Variants in EML1 observed in about 807,000 individuals in gnomAD.
The protein encoded by EML1 is echinoderm microtubule-associated protein-like 1.
In EML1, 27 loss-of-function variants were observed where a neutral mutation model predicts 110.4. That is an observed-to-expected ratio of 0.24 (90% confidence interval 0.18 to 0.34). The LOEUF is 0.34. EML1 is among the 10% of genes least tolerant of loss of function. The pLI is 1.00. For synonymous variants in EML1, 344 were observed against 385.8 expected (o/e 0.89, Z 1.27); for missense variants, 741 against 1,030.9 (o/e 0.72, Z 3.85).
At chr14:99,915,874 G>A (rs2060025949) in intron 15 of EML1, among the ~76,000 whole-genome samples, 1 of 152,116 alleles carries the variant, frequency 6.6e-6, no homozygotes, top group Admixed American at 6.5e-5. Flanking sequence ...TAGAGTTACT[G>A]GCATGTCCCA....
At chr14:99,937,665 C>T in intron 19 of EML1, 152 bp from the exon 20 acceptor site, 2 of 623,570 alleles carry the variant, frequency 3.2e-6, no homozygotes, top group Non-Finnish European at 2.8e-6. Context: ...CACATCTGTG[C>T]ACACGTGGTT....
chr14:99,889,228 A>T (rs2059541357), intron 4 of EML1, among the ~76,000 whole-genome samples: 1 of 151,438 alleles, frequency 6.6e-6, no homozygotes, highest in South Asian at 2.1e-4. Context: ...CAAGCCCCAC[A>T]CCAGGTTCTT....
chr14:99,805,588 C>T (rs1464858023), intron 1 of EML1, among the ~76,000 whole-genome samples: 1 of 152,110 alleles, frequency 6.6e-6, no homozygotes, highest in African/African-American at 2.4e-5. Context: ...AGTCCTCTAG[C>T]ATCAGCCTCC....
At chr14:99,786,093 G>A (rs569233934) in intron 1 of EML1, among the ~76,000 whole-genome samples, 53 of 149,246 alleles carry the variant, frequency 3.6e-4, no homozygotes, top group African/African-American at 1.1e-3. Context: ...ATCAACACAC[G>A]CTTCAGTTGC....
rs73350487 is a variant in EML1, at chr14:99,745,930, G to T, written c.28+8070G>T. The stretch of plus-strand genomic sequence containing the variant: ...TAGAGCAGGGAATTCAGCCAGCCTT[G>T]GGTCTCCCCTTGTGGGATTTGCCTC... On this transcript the variant is annotated intron_variant, in intron 1 of 10. Coordinates refer to the EML1 transcript ENST00000554479. 7.1e-3 allele frequency among the ~76,000 whole-genome samples: 1,083 copies of T among 152,254 alleles called. 12 individuals are homozygous for T. Among genetic ancestry groups the T allele is most frequent in the African/African-American group, 0.025 (1,034 of 41,530 alleles).
At chr14:99,791,835 G>C (rs2057677669), upstream of EML1, among the ~76,000 whole-genome samples, 1 of 152,260 alleles carries the variant, frequency 6.6e-6, no homozygotes, top group African/African-American at 2.4e-5. Flanking sequence ...AGCTCTTGGG[G>C]CCTCTCTTAC....
chr14:99,743,041 C>T (rs1026110905), intron 1 of EML1, among the ~76,000 whole-genome samples: 5 of 152,142 alleles, frequency 3.3e-5, no homozygotes, highest in African/African-American at 1.2e-4. Flanking sequence ...AGGAGGAATC[C>T]GCAGTTGGGA....
chr14:99,746,511 G>A (rs909973367), intron 1 of EML1, among the ~76,000 whole-genome samples: 4 of 152,158 alleles, frequency 2.6e-5, no homozygotes, highest in African/African-American at 9.7e-5. Context: ...TGGGGTGGGG[G>A]CGGATGTGCA....
intron 20 of EML1, 52 bp downstream of exon 20, chr14:99,937,964 A>G: frequency 1.3e-6 from 2 of 1,558,290 alleles, no homozygotes; most frequent in Non-Finnish European, 1.8e-6. Context: ...TCTCCTTTTA[A>G]AATATTTCTT....
At chr14:99,902,988 G>T (rs1377132837) in intron 9 of EML1, among the ~76,000 whole-genome samples, 1 of 152,114 alleles carries the variant, frequency 6.6e-6, no homozygotes, top group African/African-American at 2.4e-5. Flanking sequence ...GTTGTGTCCT[G>T]TTACAAACAA....
At chr14:99,798,983 A>C (rs1482233442) in intron 1 of EML1, among the ~76,000 whole-genome samples, 1 of 152,136 alleles carries the variant, frequency 6.6e-6, no homozygotes, top group African/African-American at 2.4e-5. Flanking sequence ...ATTGCCTTAC[A>C]GGGTTGTGAT....
rs112810679 is a variant in EML1 at position 99,796,938 on chromosome 14, A to T, written c.67+3395A>T. On this transcript the variant is annotated intron_variant, in intron 1 of 21. Coordinates refer to ENST00000262233, the MANE Select transcript of EML1 (RefSeq NM_004434.3). ...GTGTGTGTGTGTGTGTGTGTGTGTG[A>T]GAGAGTAATAGCTTTATTGAAATAT... Among the ~76,000 whole-genome samples, 598 of 129,316 alleles carry T rather than the reference A, an allele frequency of 4.6e-3. 3 individuals are homozygous for T. The highest frequency in any genetic ancestry group is 0.023 in the South Asian group (86 of 3,768). 84.8% of individuals were successfully genotyped at this position (129,316 alleles called of 152,430 possible).
At position 99,760,083 on chromosome 14, in the gene EML1, C is replaced by CAAAAAAAAAAAAAAAAAA. The variant is rs61619098; in HGVS notation, c.28+22236_28+22253dup. 4.2e-5 allele frequency among the ~76,000 whole-genome samples: 2 copies of CAAAAAAAAAAAAAAAAAA among 47,132 alleles called. 1 individual carries two copies. Among genetic ancestry groups the CAAAAAAAAAAAAAAAAAA allele is most frequent in the African/African-American group, 2.0e-4 (2 of 10,178 alleles). 30.9% of individuals were successfully genotyped at this position (47,132 alleles called of 152,430 possible). A position where few individuals can be genotyped will look rare whatever the true frequency, so the allele number is the denominator to read the frequency against. On this transcript the variant is annotated intron_variant, in intron 1 of 10. Transcript: ENST00000554479. Reference sequence around the variant, plus strand: ...GGGCAACAAGAGCTAGACTCCCTCTCAAAAAAAAAAAAAAAAAAAAAAAAA... The same window carrying CAAAAAAAAAAAAAAAAAA: ...GGGCAACAAGAGCTAGACTCCCTCTCAAAAAAAAAAAAAAAAAAAAAAAAAAAAAAAAAAAAAAAAAAA...
chr14:99,848,989 G>A (rs995573370), intron 1 of EML1, among the ~76,000 whole-genome samples: 4 of 151,592 alleles, frequency 2.6e-5, no homozygotes, highest in Non-Finnish European at 5.9e-5. Context: ...AAAACTTAAG[G>A]TTTCATAATA....
At chr14:99,859,156 GA>G (rs1416760799) in intron 2 of EML1, among the ~76,000 whole-genome samples, 20 of 152,134 alleles carry the variant, frequency 1.3e-4, no homozygotes, top group Admixed American at 1.3e-3. Flanking sequence ...TTAGAATGAT[GA>G]AAAAAATTTA....
intron 2 of EML1, among the ~76,000 whole-genome samples, chr14:99,855,867 A>G (rs2058893988): frequency 6.6e-6 from 1 of 152,218 alleles, no homozygotes; most frequent in Non-Finnish European, 1.5e-5. Flanking sequence ...CAGTCCTGTC[A>G]TTCCAAGACA....
chr14:99,899,055 C>T (rs1318945628), intron 8 of EML1, among the ~76,000 whole-genome samples: 1 of 152,152 alleles, frequency 6.6e-6, no homozygotes, highest in African/African-American at 2.4e-5. Context: ...ACAAAAGCTA[C>T]TAGGAGGTTT....
intron 14 of EML1, 81 bp from the exon 15 acceptor site, chr14:99,914,482 AAGC>A: frequency 6.5e-7 from 1 of 1,535,130 alleles, no homozygotes; most frequent in Non-Finnish European, 8.7e-7. Flanking sequence ...AGTCAGCATG[AAGC>A]CTCGGTTCGT....
In EML1 at chr14:99,939,483, G is replaced by A. The variant is rs568973328; in HGVS notation, c.2322+156G>A. Reference sequence around the variant, plus strand: ...CTTTGCGCCCTGAGCACTTCCAGCCGCCCTTAGGGAAACCCCAAGCCCCAC... The same window carrying A: ...CTTTGCGCCCTGAGCACTTCCAGCCACCCTTAGGGAAACCCCAAGCCCCAC... On this transcript the variant is annotated intron_variant, in intron 21 of 21. Transcript: ENST00000262233. The surrounding 1 kb of genome is among the most constrained non-coding windows in gnomAD (Gnocchi z 4.2). Among the ~76,000 whole-genome samples, 3 of 152,210 alleles carry A rather than the reference G, an allele frequency of 2.0e-5. No homozygotes were observed. The highest frequency in any genetic ancestry group is 4.1e-4 in the South Asian group (2 of 4,820).
Sources: gnomAD v4.1 joint callset for allele counts (sites outside exome capture counted in the v4.1 genomes callset) on GRCh38, gnomAD v4.1.1 for gene constraint, Gnocchi (gnomAD v3.1) non-coding constraint, MANE v1.5 for transcripts, NCBI Gene and HGNC (gene_info 2026-07-23, HGNC 2026-07-21) for gene names.